AKAP6: variants seen among roughly 807,000 people sequenced by gnomAD.
AKAP6 encodes the protein A-kinase anchor protein 6.
A neutral mutation model predicts 188.5 loss-of-function variants in AKAP6; 58 were observed. The ratio of observed to expected loss-of-function variants is 0.31; its 90% CI spans 0.25 to 0.38. The LOEUF (loss-of-function observed/expected upper bound fraction) is 0.38, where lower values mean the gene tolerates loss of function less well. Among genes scored for constraint, AKAP6 ranks in the 10% least tolerant of loss-of-function variants. The pLI, the probability that AKAP6 is intolerant of heterozygous loss-of-function variation, is 1.00. For synonymous variants in AKAP6, 989 were observed against 998.6 expected, an observed-to-expected ratio of 0.99 and a Z score of 0.18; for missense variants, 2,710 against 2,740.0, an observed-to-expected ratio of 0.99 and a Z score of 0.24.
At position 32,718,913 on chromosome 14, in the gene AKAP6, G is replaced by C. The variant is rs150563449; in HGVS notation, c.3001-13541G>C. On this transcript the variant is annotated intron_variant, in intron 9 of 13. Transcript: ENST00000280979. ...AACCATAATGCTAAGAATTACAGTG[G>C]GTAAAGAGTGAATGACATGTGGTCT... 5.4e-3 allele frequency among the ~76,000 whole-genome samples: 820 copies of C among 152,186 alleles called. 12 individuals carry two copies. Among genetic ancestry groups the C allele is most frequent in the African/African-American group, 0.018 (733 of 41,524 alleles).
At chr14:32,718,412 C>A (rs2030346051) in intron 9 of AKAP6, 1 of 774,484 alleles carries the variant, frequency 1.3e-6, no homozygotes, top group Non-Finnish European at 1.6e-6. Flanking sequence ...CAAAAAGGCC[C>A]AAGGGGTCAG....
chr14:32,829,060 A>G (rs10133151), intron 13 of AKAP6, among the ~76,000 whole-genome samples: 8,082 of 152,302 alleles, frequency 0.053, 221 homozygotes, highest in South Asian at 0.11. Flanking sequence ...AGAGCTGGTC[A>G]GGGGGACTTA....
At chr14:32,717,510 T>G (rs937505115) in intron 9 of AKAP6, among the ~76,000 whole-genome samples, 1 of 152,026 alleles carries the variant, frequency 6.6e-6, no homozygotes, top group African/African-American at 2.4e-5. Flanking sequence ...CCCTATTTAC[T>G]TATTAACTTT....
chr14:32,757,910 A>G (rs892173882), intron 11 of AKAP6, among the ~76,000 whole-genome samples: 1 of 152,202 alleles, frequency 6.6e-6, no homozygotes, highest in Non-Finnish European at 1.5e-5. Flanking sequence ...GGAGGGGACG[A>G]AACAGAACAA....
chr14:32,629,032 G>A (rs1179020359), intron 7 of AKAP6, among the ~76,000 whole-genome samples: 1 of 152,006 alleles, frequency 6.6e-6, no homozygotes, highest in Non-Finnish European at 1.5e-5. Context: ...TTTGAGGAGG[G>A]AATCTTCTAT....
Position 32,834,015 on chromosome 14 carries a change from C to T in AKAP6, c.*4210C>T, listed in dbSNP as rs1202922689. The T allele has an allele frequency of 6.6e-6, 1 of 152,162 alleles. No homozygotes were observed. Among genetic ancestry groups the T allele is most frequent in the Non-Finnish European group, 1.5e-5 (1 of 68,042 alleles). The allele number at this position is 152,162 out of a possible 1,614,324, so 9.4% of individuals were successfully genotyped here. On this transcript the variant is annotated 3_prime_UTR_variant, in exon 14 of 14. Transcript: ENST00000280979. ...TGAAATTAAATTGTAGAGTATGATA[C>T]TTCATCTGCAAATACTTCAGCATGT...
chr14:32,429,001 G>T (rs1359152298), intron 1 of AKAP6, among the ~76,000 whole-genome samples: 1 of 152,216 alleles, frequency 6.6e-6, no homozygotes, highest in Non-Finnish European at 1.5e-5. Context: ...CTGGGATAAA[G>T]GTGGTATTAT....
At chr14:32,687,400 ATCTCTCTCTCTCTCTC>A (rs71115092) in intron 8 of AKAP6, among the ~76,000 whole-genome samples, 83 of 129,006 alleles carry the variant, frequency 6.4e-4, no homozygotes, top group African/African-American at 1.2e-3. Context: ...CATACTAACT[ATCTCTCTCTCTCTCTC>A]TCTCTCTCTC....
At chr14:32,454,203 A>G (rs539949950) in intron 2 of AKAP6, among the ~76,000 whole-genome samples, 3 of 152,352 alleles carry the variant, frequency 2.0e-5, no homozygotes, top group Admixed American at 2.0e-4. Flanking sequence ...TACCTTCCTC[A>G]GGATCTCTCT....
chr14:32,614,973 A>G (rs1275807676), intron 7 of AKAP6, among the ~76,000 whole-genome samples: 1 of 151,808 alleles, frequency 6.6e-6, no homozygotes, highest in Non-Finnish European at 1.5e-5. Context: ...GATCGAGACC[A>G]TCCTGGCCAA....
chr14:32,546,666 G>T lies in AKAP6; in HGVS notation c.2013G>T (p.Leu671=). 1.2e-6 allele frequency: 2 copies of T among 1,614,144 alleles called. No homozygotes were observed. Among genetic ancestry groups the T allele is most frequent in the African/African-American group, 1.3e-5 (1 of 75,030 alleles). ...ETIQNIDDWE[L]SEMNSDSEIY... The stretch of plus-strand genomic sequence containing the variant: ...TCCAGAATATTGATGACTGGGAACT[G>T]TCTGAAATGAATTCAGATTCTGAAA... The change falls in exon 4 of 14, where the codon CTG becomes CTT. Residue 671 remains leucine, a synonymous_variant. Coordinates refer to ENST00000280979, the MANE Select transcript of AKAP6 (RefSeq NM_004274.5).
At chr14:32,446,773 G>A (rs533046177) in intron 2 of AKAP6, among the ~76,000 whole-genome samples, 4 of 151,976 alleles carry the variant, frequency 2.6e-5, no homozygotes, top group African/African-American at 9.7e-5. Flanking sequence ...TGAATGTGTT[G>A]CAGGTTTCCA....
At chr14:32,614,519 A>G (rs1211018946) in intron 7 of AKAP6, among the ~76,000 whole-genome samples, 4 of 152,200 alleles carry the variant, frequency 2.6e-5, no homozygotes, top group Non-Finnish European at 5.9e-5. Flanking sequence ...GGAAGTACAG[A>G]TATACTTCTC....
At chr14:32,508,208 A>C (rs1423836309) in intron 2 of AKAP6, among the ~76,000 whole-genome samples, 1 of 152,266 alleles carries the variant, frequency 6.6e-6, no homozygotes, top group Non-Finnish European at 1.5e-5. Context: ...AGAAAATCAC[A>C]TAATGAAAGA....
intron 4 of AKAP6, among the ~76,000 whole-genome samples, chr14:32,553,144 CTTTTTCTTTTCT>C (rs528759405): frequency 2.1e-3 from 318 of 150,654 alleles, no homozygotes; most frequent in Non-Finnish European, 3.1e-3. Context: ...TTCTTTTTTT[CTTTTTCTTTTCT>C]TTTTTCTTTT....
intron 2 of AKAP6, among the ~76,000 whole-genome samples, chr14:32,442,952 A>G (rs1425949719): frequency 6.6e-6 from 1 of 152,218 alleles, no homozygotes; most frequent in Non-Finnish European, 1.5e-5. Context: ...GTGAATGACT[A>G]GTATCCTAAC....
At position 32,546,756 on chromosome 14, in the gene AKAP6, T is replaced by C. The variant is rs771311309; in HGVS notation, c.2103T>C (p.Ser701=). The C allele has an allele frequency of 2.9e-5, 46 of 1,614,024 alleles. No individual in the cohort carries two copies. Among genetic ancestry groups the C allele is most frequent in the Non-Finnish European group, 3.7e-5 (44 of 1,180,014 alleles). ...TRLGRVSPSS[S]SDIASSLGES... is the part of the protein sequence containing the mutation. ...TAGGCAGGGTGTCTCCAAGCTCATCTAGTGACATAGCCTCTTCACTAGGGG... is the reference window on the plus strand; with the variant it reads ...TAGGCAGGGTGTCTCCAAGCTCATCCAGTGACATAGCCTCTTCACTAGGGG... The change falls in exon 4 of 14, where the codon TCT becomes TCC. Residue 701 remains serine (S), a synonymous_variant. Coordinates refer to ENST00000280979, the MANE Select transcript of AKAP6 (RefSeq NM_004274.5).
intron 1 of AKAP6, among the ~76,000 whole-genome samples, chr14:32,387,955 C>T (rs1888587964): frequency 6.6e-6 from 1 of 151,926 alleles, no homozygotes; most frequent in Admixed American, 6.6e-5. Flanking sequence ...TGGTAGAATT[C>T]TGCTGTGAAT....
chr14:32,379,164 GC>G (rs942155325), intron 1 of AKAP6, among the ~76,000 whole-genome samples: 1 of 151,952 alleles, frequency 6.6e-6, no homozygotes, highest in Admixed American at 6.6e-5. Flanking sequence ...CAGGTGATCC[GC>G]CCCCTTGGCC....
Sources: allele counts gnomAD v4.1 joint callset (sites outside exome capture counted in the v4.1 genomes callset), GRCh38; gene constraint gnomAD v4.1.1; transcripts MANE v1.5; gene names NCBI Gene and HGNC (gene_info 2026-07-23, HGNC 2026-07-21).